Variants in EMCN observed in about 807,000 individuals in gnomAD.
EMCN encodes the protein MUC-14.
A neutral mutation model predicts 38.4 loss-of-function variants in EMCN; 37 were observed. That is an observed-to-expected ratio of 0.96 (90% confidence interval 0.74 to 1.27). The LOEUF (loss-of-function observed/expected upper bound fraction) is 1.27. Among genes scored for constraint, EMCN ranks in the 50% most tolerant of loss-of-function variants. The probability of loss-of-function intolerance (pLI) is 0.00; values close to 1 mark genes in which losing one functional copy is unlikely to be tolerated. For missense variants in EMCN, 318 were observed against 302.8 expected, an observed-to-expected ratio of 1.05 and a Z score of -0.37; for synonymous variants, 95 against 100.8, an observed-to-expected ratio of 0.94 and a Z score of 0.35.
intron 4 of EMCN, among the ~76,000 whole-genome samples, chr4:100,457,039 T>C (rs1031528006): frequency 3.9e-5 from 6 of 152,174 alleles, no homozygotes; most frequent in Non-Finnish European, 5.9e-5. Context: ...AATATTTTAG[T>C]ATTATGAAAT....
intron 5 of EMCN, chr4:100,446,337 TA>T (rs1327234396): frequency 4.5e-6 from 1 of 220,974 alleles, no homozygotes; most frequent in African/African-American, 2.3e-5. Flanking sequence ...AATATAAAAA[TA>T]ACTTCTTTAA....
intron 3 of EMCN, among the ~76,000 whole-genome samples, chr4:100,474,276 T>C (rs1033635952): frequency 3.9e-5 from 6 of 152,162 alleles, no homozygotes; most frequent in African/African-American, 1.4e-4. Flanking sequence ...TTCAACATCA[T>C]TAATCATTAG....
chr4:100,513,262 T>C (rs1578242560), intron 1 of EMCN, among the ~76,000 whole-genome samples: 2 of 152,174 alleles, frequency 1.3e-5, no homozygotes, highest in East Asian at 3.8e-4. Flanking sequence ...TTTGGATTTG[T>C]TCTATATTGG....
intron 4 of EMCN, among the ~76,000 whole-genome samples, chr4:100,461,982 T>C (rs1728192047): frequency 6.6e-6 from 1 of 152,164 alleles, no homozygotes; most frequent in Non-Finnish European, 1.5e-5. Flanking sequence ...GGAGTGGTGC[T>C]CTGCTAACCA....
intron 11 of EMCN, among the ~76,000 whole-genome samples, chr4:100,404,612 A>G (rs1393327631): frequency 6.6e-6 from 1 of 152,088 alleles, no homozygotes; most frequent in Non-Finnish European, 1.5e-5. Context: ...TAGTTACTGT[A>G]GCCTTGTAGT....
At chr4:100,430,701 T>C (rs955159013) in intron 5 of EMCN, among the ~76,000 whole-genome samples, 1 of 152,170 alleles carries the variant, frequency 6.6e-6, no homozygotes, top group African/African-American at 2.4e-5. Flanking sequence ...AGCACTACTT[T>C]GAGATTCGGT....
intron 4 of EMCN, among the ~76,000 whole-genome samples, chr4:100,453,490 T>C (rs1727909229): frequency 6.6e-6 from 1 of 152,190 alleles, no homozygotes; most frequent in Admixed American, 6.5e-5. Flanking sequence ...TCACACCTGT[T>C]AGAATGGCAA....
intron 1 of EMCN, among the ~76,000 whole-genome samples, chr4:100,480,968 A>G (rs577335334): frequency 1.6e-4 from 25 of 152,258 alleles, no homozygotes; most frequent in African/African-American, 6.0e-4. Context: ...ATTAGCATTT[A>G]TAAAATATTT....
chr4:100,465,310 G>A, intron 4 of EMCN, 113 bp downstream of exon 4: 1 of 618,678 alleles, frequency 1.6e-6, no homozygotes, highest in Non-Finnish European at 2.9e-6. Context: ...TAGAGATTAA[G>A]AGACAATTTA....
intron 4 of EMCN, among the ~76,000 whole-genome samples, chr4:100,461,699 T>C (rs1353287448): frequency 6.6e-6 from 1 of 152,164 alleles, no homozygotes; most frequent in African/African-American, 2.4e-5. Flanking sequence ...TCTTTTTTGA[T>C]CTGAATTCCA....
At chr4:100,485,769 T>C (rs1289554610) in intron 1 of EMCN, among the ~76,000 whole-genome samples, 1 of 152,102 alleles carries the variant, frequency 6.6e-6, no homozygotes, top group Non-Finnish European at 1.5e-5. Flanking sequence ...TCTTTTGATA[T>C]GGGAGAGGTC....
At position 100,396,158 on chromosome 4, in the gene EMCN, C is replaced by A. The variant is rs1726113545; in HGVS notation, c.*2255G>T. 6.6e-6 allele frequency: 1 copy of A among 152,144 alleles called. No individual in the cohort carries two copies. Among genetic ancestry groups the A allele is most frequent in the South Asian group, 2.1e-4 (1 of 4,826 alleles). 9.4% of individuals were successfully genotyped at this position (152,144 alleles called of 1,614,324 possible). On this transcript the variant is annotated 3_prime_UTR_variant, in exon 12 of 12. Coordinates refer to ENST00000296420, the MANE Select transcript of EMCN (RefSeq NM_016242.4). ...TTAAGTTGGTTTATAAAAATGCAGA[C>A]CTTACCTTTGAGATTGATATAAAAT...
chr4:100,480,083 G>A, intron 1 of EMCN, 44 bp from the exon 2 acceptor site: 1 of 1,563,188 alleles, frequency 6.4e-7, no homozygotes, highest in South Asian at 1.2e-5. Context: ...CATATAGTTT[G>A]CCAATTAATA....
At chr4:100,450,576 C>A (rs913425555) in intron 4 of EMCN, among the ~76,000 whole-genome samples, 1 of 151,838 alleles carries the variant, frequency 6.6e-6, no homozygotes, top group Admixed American at 6.6e-5. Flanking sequence ...TTTATTATGA[C>A]CAATTCAAAT....
intron 1 of EMCN, among the ~76,000 whole-genome samples, chr4:100,494,133 A>T (rs1374126832): frequency 6.6e-6 from 1 of 152,206 alleles, no homozygotes; most frequent in Admixed American, 6.5e-5. Context: ...TTTATCCAAG[A>T]ACAAAGAAGA....
intron 5 of EMCN, among the ~76,000 whole-genome samples, chr4:100,426,058 T>A (rs1727035999): frequency 6.6e-6 from 1 of 152,142 alleles, no homozygotes; most frequent in Non-Finnish European, 1.5e-5. Flanking sequence ...TGCCCAAATT[T>A]ACCCCATCAG....
intron 4 of EMCN, among the ~76,000 whole-genome samples, chr4:100,452,088 C>A (rs1727853979): frequency 2.0e-5 from 3 of 151,898 alleles, no homozygotes; most frequent in Admixed American, 6.6e-5. Context: ...GATTGAAGTG[C>A]CAAATTTTTA....
chr4:100,500,416 A>G (rs886319736), intron 1 of EMCN, among the ~76,000 whole-genome samples: 1 of 152,184 alleles, frequency 6.6e-6, no homozygotes, highest in Non-Finnish European at 1.5e-5. Context: ...AATAAATCTT[A>G]GCGAAAACCT....
In EMCN at chr4:100,430,956, A is replaced by G. The variant is rs75743848; in HGVS notation, c.416-7552T>C. On this transcript the variant is annotated intron_variant, in intron 5 of 11. Transcript: ENST00000296420. ...ATCCTAACTAAACGACAATAGCAGG[A>G]TTCTGTCATTCAAAGTTAGAAAACT... Among the ~76,000 whole-genome samples, 539 of 152,326 alleles carry G rather than the reference A, an allele frequency of 3.5e-3. 6 individuals carry two copies. Among genetic ancestry groups the G allele is most frequent in the African/African-American group, 0.012 (510 of 41,596 alleles).
Sources: gnomAD v4.1 joint callset for allele counts (sites outside exome capture counted in the v4.1 genomes callset) on GRCh38, gnomAD v4.1.1 for gene constraint, MANE v1.5 for transcripts, NCBI Gene and HGNC (gene_info 2026-07-23, HGNC 2026-07-21) for gene names.